Variants in PXT1 observed in about 807,000 individuals in gnomAD.
PXT1 encodes peroxisomal testis-specific protein 1.
A neutral mutation model predicts 11.0 loss-of-function variants in PXT1; 11 were observed. The ratio of observed to expected loss-of-function variants is 1.00; its 90% CI spans 0.63 to 1.66. The LOEUF (loss-of-function observed/expected upper bound fraction) is 1.66. Among genes scored for constraint, PXT1 ranks in the 40% most tolerant of loss-of-function variants. The pLI, the probability that PXT1 is intolerant of heterozygous loss-of-function variation, is 0.00. For missense variants in PXT1, 141 were observed against 155.5 expected (o/e 0.91, Z 0.49); for synonymous variants, 43 against 51.4 (o/e 0.84, Z 0.70).
chr6:36,405,254 T>G (rs1253428712), intron 3 of PXT1, among the ~76,000 whole-genome samples: 3 of 152,198 alleles, frequency 2.0e-5, no homozygotes, highest in African/African-American at 7.2e-5. Flanking sequence ...AAGAAAATAA[T>G]TTTGTACAGC....
At position 36,433,823 on chromosome 6, in the gene PXT1, A is replaced by AG. The variant is rs1461420926; in HGVS notation, c.-10+4943dup. On this transcript the variant is annotated intron_variant, in intron 2 of 4. Transcript: ENST00000454782. Reference sequence around the variant, plus strand: ...GGGTGACAGAACAAGACTCTGTCTCAGGAAAAAAAAAAAAAAAGAAAAGAA... The same window carrying AG: ...GGGTGACAGAACAAGACTCTGTCTCAGGGAAAAAAAAAAAAAAAGAAAAGAA... Among the ~76,000 whole-genome samples the AG allele has an allele frequency of 5.5e-5, 6 of 109,396 alleles. 1 individual carries two copies. The highest frequency in any genetic ancestry group is 5.6e-4 in the East Asian group (2 of 3,558). The allele number at this position is 109,396 out of a possible 152,430, so 71.8% of individuals were successfully genotyped here.
chr6:36,430,829 C>T (rs1774681698), intron 2 of PXT1, among the ~76,000 whole-genome samples: 1 of 152,204 alleles, frequency 6.6e-6, no homozygotes, highest in South Asian at 2.1e-4. Flanking sequence ...ACGTCTCGCT[C>T]TGTCACCCAG....
At chr6:36,398,419 T>C (rs1322140367) in intron 4 of PXT1, among the ~76,000 whole-genome samples, 5 of 152,150 alleles carry the variant, frequency 3.3e-5, no homozygotes, top group African/African-American at 1.2e-4. Flanking sequence ...CAAAAAGTTA[T>C]ATACAAACAT....
chr6:36,422,684 G>T (rs1027471362), intron 3 of PXT1, among the ~76,000 whole-genome samples: 3 of 151,968 alleles, frequency 2.0e-5, no homozygotes, highest in Non-Finnish European at 4.4e-5. Context: ...GAGGAGGAAG[G>T]GTTGGTGAGC....
chr6:36,408,436 ATTTTTTG>A (rs1295234892), intron 3 of PXT1, among the ~76,000 whole-genome samples: 1 of 149,772 alleles, frequency 6.7e-6, no homozygotes, highest in Non-Finnish European at 1.5e-5. Flanking sequence ...CTAATTTTTT[ATTTTTTG>A]TAGAGACAGT....
chr6:36,427,650 A>T (rs1582269297), intron 2 of PXT1, among the ~76,000 whole-genome samples: 1 of 152,158 alleles, frequency 6.6e-6, no homozygotes, highest in Non-Finnish European at 1.5e-5. Flanking sequence ...AAATATTGTC[A>T]TTTCAACATG....
chr6:36,400,114 A>G lies in PXT1; in HGVS notation c.300+340T>C, dbSNP rs929067078. Among the ~76,000 whole-genome samples, 4 of 152,322 alleles carry G rather than the reference A, an allele frequency of 2.6e-5. No individual in the cohort carries two copies. The East Asian group carries it at 7.7e-4, about 29-fold the overall frequency. ...GTGTGAAACAGTTTGTTACACTTCA[A>G]TGTGCACACAAATCCCCTGGGGAAT... is the stretch of plus-strand genomic sequence containing the variant. On this transcript the variant is annotated intron_variant, in intron 4 of 4. Transcript: ENST00000454782.
intron 2 of PXT1, among the ~76,000 whole-genome samples, chr6:36,436,932 AGGG>A (rs1467468117): frequency 6.6e-6 from 1 of 152,126 alleles, no homozygotes. Context: ...ACTAGTCTCT[AGGG>A]GGCATTGTTC....
chr6:36,423,328 T>A (rs1386918244), intron 3 of PXT1, among the ~76,000 whole-genome samples: 2 of 152,348 alleles, frequency 1.3e-5, no homozygotes, highest in African/African-American at 4.8e-5. Context: ...CGGAACCACC[T>A]CGCGCACTTT....
chr6:36,426,792 G>A (rs897221118), intron 2 of PXT1, among the ~76,000 whole-genome samples: 2 of 151,488 alleles, frequency 1.3e-5, no homozygotes, highest in Non-Finnish European at 2.9e-5. Flanking sequence ...GCGGAGAGGG[G>A]TGGAGATGGA....
intron 3 of PXT1, among the ~76,000 whole-genome samples, chr6:36,403,311 C>T (rs1331631236): frequency 6.6e-6 from 1 of 152,190 alleles, no homozygotes; most frequent in Non-Finnish European, 1.5e-5. Context: ...AAAGCCCATG[C>T]AATTAACCTT....
intron 3 of PXT1, among the ~76,000 whole-genome samples, chr6:36,404,236 G>A (rs1448239022): frequency 6.6e-6 from 1 of 152,200 alleles, no homozygotes; most frequent in Admixed American, 6.5e-5. Flanking sequence ...GTTAACTACA[G>A]TATAAGAACA....
In PXT1 at chr6:36,407,685, T is replaced by C. The variant is rs551809424; in HGVS notation, c.170-7101A>G. On this transcript the variant is annotated intron_variant, in intron 3 of 4. Transcript: ENST00000454782. ...CGTCCAAAGTGTGTGATAATAATGA[T>C]GATTCAGAATCCTAAAACACAACTT... Among the ~76,000 whole-genome samples, 67 of 152,092 alleles carry C rather than the reference T, an allele frequency of 4.4e-4. 1 individual carries two copies. Among genetic ancestry groups the C allele is most frequent in the Admixed American group, 4.0e-3 (61 of 15,272 alleles).
intron 2 of PXT1, among the ~76,000 whole-genome samples, chr6:36,433,884 C>G (rs78440585): frequency 4.0e-5 from 6 of 149,338 alleles, no homozygotes; most frequent in African/African-American, 1.5e-4. Flanking sequence ...AAATGCAATT[C>G]TGAAGTGAGA....
intron 3 of PXT1, among the ~76,000 whole-genome samples, chr6:36,404,514 C>G (rs1381789203): frequency 6.6e-6 from 1 of 152,134 alleles, no homozygotes; most frequent in Non-Finnish European, 1.5e-5. Context: ...TAGAGATGGA[C>G]TCTTGCCATG....
chr6:36,428,410 G>A (rs1463257649), intron 2 of PXT1, among the ~76,000 whole-genome samples: 4 of 55,178 alleles, frequency 7.2e-5, no homozygotes, highest in Non-Finnish European at 9.0e-5. Context: ...GCGACAGAGC[G>A]AGACTGAAAA....
chr6:36,426,355 CTTTTTTTTTTTTTTT>C (rs751410377), intron 2 of PXT1, among the ~76,000 whole-genome samples: 63 of 76,816 alleles, frequency 8.2e-4, no homozygotes, highest in East Asian at 4.6e-3. Flanking sequence ...CTCTCTCTCG[CTTTTTTTTTTTTTTT>C]TTTTTTTTTT....
At chr6:36,410,627 A>G (rs990902693) in intron 3 of PXT1, among the ~76,000 whole-genome samples, 8 of 152,026 alleles carry the variant, frequency 5.3e-5, no homozygotes, top group Non-Finnish European at 1.2e-4. Flanking sequence ...AAAAGGAAGG[A>G]GGGAAGGAAG....
chr6:36,409,498 C>T (rs1349188470), intron 3 of PXT1, among the ~76,000 whole-genome samples: 1 of 151,950 alleles, frequency 6.6e-6, no homozygotes, highest in East Asian at 1.9e-4. Flanking sequence ...GCTCACTGTA[C>T]CTAGCACAGA....
Sources: gnomAD v4.1 joint callset for allele counts (sites outside exome capture counted in the v4.1 genomes callset) on GRCh38, gnomAD v4.1.1 for gene constraint, MANE v1.5 for transcripts, NCBI Gene and HGNC (gene_info 2026-07-23, HGNC 2026-07-21) for gene names.